The following PTPRD variants were observed in gnomAD, a reference collection of about 807,000 sequenced individuals.
PTPRD encodes protein tyrosine phosphatase receptor type D.
In PTPRD, 34 loss-of-function variants were observed where a neutral mutation model predicts 214.5. That is an observed-to-expected ratio of 0.16 (90% CI 0.12 to 0.21). The LOEUF is 0.21. PTPRD is among the 10% of genes least tolerant of loss of function. The probability of loss-of-function intolerance (pLI) is 1.00; values close to 1 mark genes in which losing one functional copy is unlikely to be tolerated. For missense variants in PTPRD, 2,545 were observed against 2,398.7 expected, an observed-to-expected ratio of 1.06 and a Z score of -1.27; for synonymous variants, 1,128 against 845.7, an observed-to-expected ratio of 1.33 and a Z score of -5.79.
chr9:9,447,308 T>A (rs1301701999), intron 8 of PTPRD, among the ~76,000 whole-genome samples: 4 of 152,122 alleles, frequency 2.6e-5, no homozygotes, highest in African/African-American at 9.6e-5. Context: ...ATGTGCTATA[T>A]ATGTACCCCA....
intron 8 of PTPRD, among the ~76,000 whole-genome samples, chr9:9,558,150 C>T (rs548531034): frequency 9.9e-5 from 15 of 152,228 alleles, no homozygotes; most frequent in South Asian, 4.1e-4. Flanking sequence ...GGTGCCAGCG[C>T]GCCCACCATG....
intron 9 of PTPRD, among the ~76,000 whole-genome samples, chr9:9,233,414 G>C (rs1189873486): frequency 6.6e-6 from 1 of 152,126 alleles, no homozygotes; most frequent in Non-Finnish European, 1.5e-5. Flanking sequence ...GATGAGATTT[G>C]GGTGGTGACA....
chr9:10,061,375 A>G (rs1415308844), intron 3 of PTPRD, among the ~76,000 whole-genome samples: 2 of 152,078 alleles, frequency 1.3e-5, no homozygotes, highest in Non-Finnish European at 2.9e-5. Flanking sequence ...ACACAGTTCC[A>G]CTTATGTTTA....
At chr9:9,513,667 C>T (rs747182292) in intron 8 of PTPRD, among the ~76,000 whole-genome samples, 2 of 151,438 alleles carry the variant, frequency 1.3e-5, no homozygotes, top group Admixed American at 1.3e-4. Context: ...CTTCCCCAAA[C>T]CTTTCATGAA....
intron 11 of PTPRD, among the ~76,000 whole-genome samples, chr9:8,920,466 C>T (rs2098819783): frequency 6.6e-6 from 1 of 152,120 alleles, no homozygotes; most frequent in Admixed American, 6.5e-5. Context: ...AATAAACAAA[C>T]CCAGCCCTTC....
chr9:8,695,648 C>T (rs1056688567), intron 12 of PTPRD, among the ~76,000 whole-genome samples: 3 of 152,082 alleles, frequency 2.0e-5, no homozygotes, highest in African/African-American at 7.2e-5. Flanking sequence ...TCTATTTTCT[C>T]ATCTATATAT....
At chr9:9,643,673 AG>A (rs1191989463) in intron 7 of PTPRD, among the ~76,000 whole-genome samples, 1 of 152,218 alleles carries the variant, frequency 6.6e-6, no homozygotes, top group Non-Finnish European at 1.5e-5. Flanking sequence ...TAAATTAAAA[AG>A]CTTGAAAAAG....
At chr9:10,544,848 C>A (rs1448019647) in intron 2 of PTPRD, among the ~76,000 whole-genome samples, 1 of 152,090 alleles carries the variant, frequency 6.6e-6, no homozygotes, top group Non-Finnish European at 1.5e-5. Context: ...TAATTTTGGA[C>A]ATTACTACAT....
At chr9:9,038,483 T>G (rs1346163522) in intron 10 of PTPRD, among the ~76,000 whole-genome samples, 1 of 151,754 alleles carries the variant, frequency 6.6e-6, no homozygotes, top group Non-Finnish European at 1.5e-5. Flanking sequence ...AAACTGAGCA[T>G]GTACACAAAC....
At chr9:8,887,852 C>T (rs1474376538) in intron 11 of PTPRD, among the ~76,000 whole-genome samples, 1 of 152,194 alleles carries the variant, frequency 6.6e-6, no homozygotes, top group East Asian at 1.9e-4. Context: ...CCACTTTCAG[C>T]AATGTATGCA....
chr9:8,788,197 G>A (rs1377183253), intron 11 of PTPRD, among the ~76,000 whole-genome samples: 2 of 148,954 alleles, frequency 1.3e-5, no homozygotes, highest in Non-Finnish European at 3.0e-5. Flanking sequence ...ATGGTTATGA[G>A]TAACCATGGC....
At chr9:8,553,371 G>A (rs1048722392) in intron 14 of PTPRD, among the ~76,000 whole-genome samples, 1 of 152,178 alleles carries the variant, frequency 6.6e-6, no homozygotes, top group African/African-American at 2.4e-5. Flanking sequence ...CAAACAGTGG[G>A]CCTGAGTCCC....
At chr9:9,985,450 A>G (rs1479115621) in intron 4 of PTPRD, among the ~76,000 whole-genome samples, 1 of 152,304 alleles carries the variant, frequency 6.6e-6, no homozygotes, top group Admixed American at 6.5e-5. Flanking sequence ...TATTTACAAC[A>G]TGCTGGGGCC....
intron 9 of PTPRD, among the ~76,000 whole-genome samples, chr9:9,351,462 T>C (rs2051103856): frequency 6.6e-6 from 1 of 151,962 alleles, no homozygotes; most frequent in Admixed American, 6.6e-5. Context: ...AGATGTATTT[T>C]AGTTCTACAA....
At chr9:10,248,510 G>A (rs1296824554) in intron 3 of PTPRD, among the ~76,000 whole-genome samples, 2 of 111,248 alleles carry the variant, frequency 1.8e-5, no homozygotes, top group Admixed American at 9.0e-5. Flanking sequence ...GGTACATATA[G>A]CAAAAAAAAA....
chr9:8,534,067 A>G (rs1274505827), intron 14 of PTPRD, among the ~76,000 whole-genome samples: 2 of 152,002 alleles, frequency 1.3e-5, no homozygotes, highest in Admixed American at 6.6e-5. Flanking sequence ...TATTTTCACA[A>G]TCTTTAGTTT....
chr9:10,248,180 C>T (rs146127588), intron 3 of PTPRD, among the ~76,000 whole-genome samples: 30 of 152,046 alleles, frequency 2.0e-4, no homozygotes, highest in Admixed American at 5.2e-4. Flanking sequence ...TTATCAGCAG[C>T]GTGGAAACGG....
At chr9:10,148,272 T>A (rs988824094) in intron 3 of PTPRD, among the ~76,000 whole-genome samples, 5 of 152,236 alleles carry the variant, frequency 3.3e-5, no homozygotes, top group African/African-American at 4.8e-5. Context: ...TAATCTATTT[T>A]ACTTTTTTCA....
chr9:9,070,339 T>C (rs182996389), intron 10 of PTPRD, among the ~76,000 whole-genome samples: 199 of 152,292 alleles, frequency 1.3e-3, no homozygotes, highest in Non-Finnish European at 1.6e-3. Flanking sequence ...TTCCTTTCAT[T>C]CCATTATAGA....
Sources: gnomAD v4.1 joint callset for allele counts (sites outside exome capture counted in the v4.1 genomes callset) on GRCh38, gnomAD v4.1.1 for gene constraint, MANE v1.5 for transcripts, NCBI Gene and HGNC (gene_info 2026-07-23, HGNC 2026-07-21) for gene names.